Variants in FAM81B observed in about 807,000 individuals in gnomAD.
FAM81B encodes the protein family with sequence similarity 81 member B, also known as protein FAM81B.
A neutral mutation model predicts 58.7 loss-of-function variants in FAM81B; 60 were observed. That is an observed-to-expected ratio of 1.02 (90% CI 0.83 to 1.27). The LOEUF (loss-of-function observed/expected upper bound fraction) is 1.27, where lower values mean the gene tolerates loss of function less well. Ranked by LOEUF, FAM81B falls within the 50% of genes most tolerant of loss-of-function variation. FAM81B has a pLI of 0.00. For missense variants in FAM81B, 491 were observed against 522.0 expected (o/e 0.94, Z 0.58); for synonymous variants, 189 against 179.6 (o/e 1.05, Z -0.42).
intron 6 of FAM81B, among the ~76,000 whole-genome samples, chr5:95,435,474 T>C (rs1289842260): frequency 6.6e-6 from 1 of 152,222 alleles, no homozygotes; most frequent in Non-Finnish European, 1.5e-5. Context: ...ATGAATGCTG[T>C]TTCCAAGTTA....
At chr5:95,403,297 ATTAAC>A (rs932228062) in intron 3 of FAM81B, among the ~76,000 whole-genome samples, 8 of 152,238 alleles carry the variant, frequency 5.3e-5, no homozygotes, top group African/African-American at 7.2e-5. Context: ...GAAATACTGA[ATTAAC>A]TTAAGTTCCT....
intron 6 of FAM81B, among the ~76,000 whole-genome samples, chr5:95,430,506 T>A (rs1337575481): frequency 6.6e-6 from 1 of 151,922 alleles, no homozygotes; most frequent in Non-Finnish European, 1.5e-5. Context: ...CTTCCTTATC[T>A]TTTTTTACAA....
intron 4 of FAM81B, among the ~76,000 whole-genome samples, chr5:95,416,909 T>C (rs2152764121): frequency 6.6e-6 from 1 of 151,952 alleles, no homozygotes; most frequent in East Asian, 1.9e-4. Flanking sequence ...CTGGGTAGGG[T>C]AGTGCACGCC....
intron 9 of FAM81B, 111 bp from the exon 10 acceptor site, chr5:95,450,038 C>A: frequency 1.6e-6 from 2 of 1,218,762 alleles, no homozygotes; most frequent in Non-Finnish European, 2.2e-6. Context: ...GAATTTAATG[C>A]GCTTGGAATT....
chr5:95,414,317 AT>A, intron 4 of FAM81B, 127 bp downstream of exon 4: 1 of 1,097,852 alleles, frequency 9.1e-7, no homozygotes, highest in Non-Finnish European at 1.3e-6. Context: ...AGTTTAGATG[AT>A]TACATTTTAG....
At chr5:95,444,055 C>T (rs930561334) in intron 7 of FAM81B, among the ~76,000 whole-genome samples, 7 of 152,040 alleles carry the variant, frequency 4.6e-5, no homozygotes, top group Admixed American at 1.3e-4. Context: ...TTAACTATGA[C>T]TATTAATTAA....
intron 6 of FAM81B, among the ~76,000 whole-genome samples, chr5:95,435,095 G>T (rs1171340230): frequency 1.3e-5 from 2 of 152,142 alleles, no homozygotes; most frequent in East Asian, 1.9e-4. Flanking sequence ...CAAAAGTCAC[G>T]CATCAAAGGA....
intron 5 of FAM81B, among the ~76,000 whole-genome samples, chr5:95,425,104 G>A (rs1216375748): frequency 2.0e-5 from 3 of 151,314 alleles, no homozygotes; most frequent in Non-Finnish European, 4.4e-5. Flanking sequence ...ATTGTCGTAT[G>A]ACAGGCAAGG....
At chr5:95,450,065 TGGCAGGACTGCCGA>T in intron 9 of FAM81B, 70 bp from the exon 10 acceptor site, 1 of 1,429,610 alleles carries the variant, frequency 7.0e-7, no homozygotes. Flanking sequence ...TAATCAATTA[TGGCAGGACTGCCGA>T]TTAGCAACTT....
rs74942776 is a variant in FAM81B, at chr5:95,427,988, C to T, written c.657-615C>T. Among the ~76,000 whole-genome samples the T allele has an allele frequency of 7.5e-3, 1,140 of 152,204 alleles. 15 individuals carry two copies. Among genetic ancestry groups the T allele is most frequent in the African/African-American group, 0.026 (1,085 of 41,516 alleles). On this transcript the variant is annotated intron_variant, in intron 5 of 9. Coordinates refer to ENST00000283357, the MANE Select transcript of FAM81B (RefSeq NM_152548.3). ...AATTATCACATGCAACTTTATGGAC[C>T]AAAGTTTCATTCATATGTTAGTGTG...
intron 7 of FAM81B, among the ~76,000 whole-genome samples, chr5:95,444,242 A>G (rs1406241567): frequency 2.0e-5 from 3 of 152,334 alleles, no homozygotes; most frequent in African/African-American, 7.2e-5. Context: ...ACTATATTCC[A>G]GGCATTGTTA....
intron 4 of FAM81B, among the ~76,000 whole-genome samples, 161 bp downstream of exon 4, chr5:95,414,351 A>G (rs564346352): frequency 4.6e-5 from 7 of 152,316 alleles, no homozygotes; most frequent in Non-Finnish European, 7.4e-5. Flanking sequence ...GAAACAGTTC[A>G]ATTTTTCAGC....
chr5:95,440,793 C>A, intron 7 of FAM81B: 1 of 275,640 alleles, frequency 3.6e-6, no homozygotes, highest in Non-Finnish European at 7.1e-6. Context: ...GGGAGGAATC[C>A]CAGAAAAGTG....
intron 5 of FAM81B, among the ~76,000 whole-genome samples, chr5:95,426,774 C>A (rs985723358): frequency 1.3e-5 from 2 of 152,144 alleles, no homozygotes; most frequent in Non-Finnish European, 2.9e-5. Context: ...CCAGGCCGGG[C>A]GCGGTGGCTC....
chr5:95,440,883 G>A (rs776445815), intron 7 of FAM81B, among the ~76,000 whole-genome samples: 51 of 152,276 alleles, frequency 3.3e-4, no homozygotes, highest in Non-Finnish European at 5.7e-4. Context: ...GCAGGCCAGG[G>A]CCACCTTCAC....
intron 9 of FAM81B, 90 bp from the exon 10 acceptor site, chr5:95,450,058 TC>T: frequency 7.3e-7 from 1 of 1,377,066 alleles, no homozygotes; most frequent in Non-Finnish European, 9.8e-7. Flanking sequence ...TAAATGATAA[TC>T]AATTATGGCA....
At chr5:95,441,313 G>C (rs1438006689) in intron 7 of FAM81B, among the ~76,000 whole-genome samples, 2 of 152,088 alleles carry the variant, frequency 1.3e-5, no homozygotes, top group Non-Finnish European at 2.9e-5. Context: ...GCTCACCCCT[G>C]TAATTCCAGC....
chr5:95,437,854 C>T (rs1745166887), intron 7 of FAM81B, among the ~76,000 whole-genome samples: 1 of 151,970 alleles, frequency 6.6e-6, no homozygotes, highest in Non-Finnish European at 1.5e-5. Flanking sequence ...TACTATCATA[C>T]TGTCCCTTAT....
rs1374747018 is a variant in FAM81B, at chr5:95,420,416, T to C, written c.656+14T>C. 1 of 1,613,140 alleles carries C rather than the reference T, an allele frequency of 6.2e-7. No individual in the cohort carries two copies. On this transcript the variant is annotated intron_variant, in intron 5 of 9. Coordinates refer to ENST00000283357, the MANE Select transcript of FAM81B (RefSeq NM_152548.3). ...AAGAGTAGCCAGGTGAGAAGAAGCA[T>C]GTTGACTAATGTTTAACAGTGAATT...
Sources: gnomAD v4.1 joint callset for allele counts (sites outside exome capture counted in the v4.1 genomes callset) on GRCh38, gnomAD v4.1.1 for gene constraint, MANE v1.5 for transcripts, NCBI Gene and HGNC (gene_info 2026-07-23, HGNC 2026-07-21) for gene names.